TBXAS1: variants seen among roughly 807,000 people sequenced by gnomAD.
The protein encoded by TBXAS1 is thromboxane-A synthase.
Under a neutral mutation model 60.7 loss-of-function variants are expected in TBXAS1, and 48 were observed. That is an observed-to-expected ratio of 0.79 (90% CI 0.63 to 1.01). The LOEUF (loss-of-function observed/expected upper bound fraction) is 1.01, where lower values mean the gene tolerates loss of function less well. Among genes scored for constraint, TBXAS1 ranks in the 50% least tolerant of loss-of-function variants. TBXAS1 has a pLI of 0.00. For synonymous variants in TBXAS1, 287 were observed against 269.7 expected, an observed-to-expected ratio of 1.06 and a Z score of -0.63; for missense variants, 685 against 686.3, an observed-to-expected ratio of 1.00 and a Z score of 0.02.
chr7:140,011,836 C>CTATATATATATATATATATATATA (rs3831720), intron 10 of TBXAS1, among the ~76,000 whole-genome samples: 1 of 150,526 alleles, frequency 6.6e-6, no homozygotes, highest in South Asian at 2.1e-4. Flanking sequence ...ATTTTATGTT[C>CTATATATATATATATATATATATA]TATATATATA....
chr7:139,848,522 A>G (rs1183834542), intron 1 of TBXAS1, among the ~76,000 whole-genome samples: 1 of 152,108 alleles, frequency 6.6e-6, no homozygotes, highest in East Asian at 1.9e-4. Context: ...TATTTTTCTC[A>G]TGGTCTGTAT....
chr7:139,864,335 A>G (rs1282844644), intron 1 of TBXAS1, among the ~76,000 whole-genome samples: 1 of 152,134 alleles, frequency 6.6e-6, no homozygotes, highest in East Asian at 1.9e-4. Context: ...GCACAAAATC[A>G]TAAAATGTTA....
chr7:139,952,002 G>GAAAT, intron 5 of TBXAS1, among the ~76,000 whole-genome samples: 1 of 148,174 alleles, frequency 6.7e-6, no homozygotes, highest in East Asian at 2.0e-4. Context: ...AAGAAAGAAA[G>GAAAT]AAAGAAAGAA....
chr7:139,961,874 T>C, intron 8 of TBXAS1, 45 bp from the exon 9 acceptor site: 1 of 1,612,714 alleles, frequency 6.2e-7, no homozygotes, highest in Non-Finnish European at 8.5e-7. Context: ...TCACTCTTCA[T>C]GACTGTAAGG....
At chr7:139,881,027 C>CATTAGAG (rs1329154725) in intron 3 of TBXAS1, among the ~76,000 whole-genome samples, 1 of 152,156 alleles carries the variant, frequency 6.6e-6, no homozygotes, top group African/African-American at 2.4e-5. Flanking sequence ...GTGCATTTCT[C>CATTAGAG]TAATTATGAG....
intron 4 of TBXAS1, among the ~76,000 whole-genome samples, chr7:139,818,278 C>A (rs548351282): frequency 1.3e-5 from 2 of 152,250 alleles, no homozygotes; most frequent in African/African-American, 4.8e-5. Flanking sequence ...TAGGATGGCA[C>A]AGGGCCTGTT....
intron 3 of TBXAS1, among the ~76,000 whole-genome samples, chr7:139,905,005 C>CTCTTTCTTTCTT (rs775007248): frequency 0.041 from 3,723 of 90,170 alleles, 215 homozygotes; most frequent in East Asian, 0.06. Context: ...CTCTCTTTCT[C>CTCTTTCTTTCTT]TCTTTCTTTC....
chr7:139,834,027 G>A (rs1377254148), intron 1 of TBXAS1, among the ~76,000 whole-genome samples: 2 of 152,076 alleles, frequency 1.3e-5, no homozygotes, highest in Non-Finnish European at 2.9e-5. Flanking sequence ...AACATCATAT[G>A]GAACTTTCTC....
chr7:139,793,405 C>G lies in TBXAS1; in HGVS notation c.-80+5979C>G, dbSNP rs984954118. On this transcript the variant is annotated intron_variant, in intron 4 of 16. Coordinates refer to the TBXAS1 transcript ENST00000336425. ...CTGCACTCCAGCCTGGATGACAGAG[C>G]GAGAATCCATTAAAAAAAAAAAGTA... Among the ~76,000 whole-genome samples, 18 of 151,754 alleles carry G rather than the reference C, an allele frequency of 1.2e-4. No homozygotes were observed. The East Asian group carries it at 3.3e-3, about 28-fold the overall frequency.
intron 9 of TBXAS1, among the ~76,000 whole-genome samples, chr7:139,978,927 C>T (rs1190432079): frequency 6.6e-6 from 1 of 152,110 alleles, no homozygotes; most frequent in East Asian, 1.9e-4. Flanking sequence ...TGCACTCTAG[C>T]ATGGGCGACA....
intron 9 of TBXAS1, among the ~76,000 whole-genome samples, chr7:139,996,344 C>T (rs1264107300): frequency 6.6e-6 from 1 of 152,092 alleles, no homozygotes; most frequent in African/African-American, 2.4e-5. Context: ...CCCTTACTTT[C>T]CAGTTGCCCT....
chr7:139,797,347 G>A (rs574763201), intron 4 of TBXAS1: 2 of 152,314 alleles, frequency 1.3e-5, no homozygotes, highest in Non-Finnish European at 2.9e-5. Flanking sequence ...GGCTGACCGG[G>A]TTACTTCTCC....
At chr7:139,932,188 G>T (rs1807389625) in intron 4 of TBXAS1, among the ~76,000 whole-genome samples, 1 of 148,954 alleles carries the variant, frequency 6.7e-6, no homozygotes, top group Non-Finnish European at 1.5e-5. Context: ...AAAAAAAAAG[G>T]TTAAGATGGT....
At chr7:139,894,795 TG>T (rs2116952526) in intron 3 of TBXAS1, among the ~76,000 whole-genome samples, 2 of 152,322 alleles carry the variant, frequency 1.3e-5, no homozygotes, top group South Asian at 4.1e-4. Context: ...CTGCTGGCCC[TG>T]CTCCAGATGT....
chr7:139,979,829 G>A, intron 9 of TBXAS1, among the ~76,000 whole-genome samples: 1 of 150,718 alleles, frequency 6.6e-6, no homozygotes, highest in East Asian at 1.9e-4. Context: ...GTTTTTTGGG[G>A]TTTTTTTTAT....
intron 1 of TBXAS1, among the ~76,000 whole-genome samples, chr7:139,779,941 A>G (rs1264632086): frequency 6.6e-6 from 1 of 152,136 alleles, no homozygotes; most frequent in Non-Finnish European, 1.5e-5. Flanking sequence ...CCAGAGGGGT[A>G]CCTTCTCCAT....
chr7:139,912,705 T>C (rs1348444180), intron 4 of TBXAS1, among the ~76,000 whole-genome samples: 1 of 152,142 alleles, frequency 6.6e-6, no homozygotes, highest in African/African-American at 2.4e-5. Flanking sequence ...GGAAAGCTTA[T>C]TGGGTGTGAG....
intron 12 of TBXAS1, among the ~76,000 whole-genome samples, chr7:140,018,720 T>TAAGGCCACACAGCAGGACTGCAGG (rs1815298470): frequency 6.6e-6 from 1 of 152,178 alleles, no homozygotes; most frequent in East Asian, 1.9e-4. Context: ...ATAACTTGCC[T>TAAGGCCACACAGCAGGACTGCAGG]AAGGCCACAC....
chr7:139,925,717 G>A (rs1806827507), intron 4 of TBXAS1, among the ~76,000 whole-genome samples: 1 of 152,166 alleles, frequency 6.6e-6, no homozygotes, highest in Admixed American at 6.5e-5. Context: ...TCCTTGTCAT[G>A]TTCCAGATCT....
Sources: allele counts gnomAD v4.1 joint callset (sites outside exome capture counted in the v4.1 genomes callset), GRCh38; gene constraint gnomAD v4.1.1; transcripts MANE v1.5; gene names NCBI Gene and HGNC (gene_info 2026-07-23, HGNC 2026-07-21).